Variants in TAF1B observed in about 807,000 individuals in gnomAD.
The protein encoded by TAF1B is TATA box-binding protein-associated factor RNA polymerase I subunit B.
TAF1B carries 61 observed loss-of-function variants against 83.9 expected under a neutral mutation model. The observed-to-expected ratio is 0.73, with a 90% confidence interval of 0.59 to 0.90. TAF1B has a LOEUF of 0.90. TAF1B is among the 40% of genes least tolerant of loss of function. TAF1B has a pLI of 0.00. For missense variants in TAF1B, 625 were observed against 677.0 expected, an observed-to-expected ratio of 0.92 and a Z score of 0.85; for synonymous variants, 221 against 224.6, an observed-to-expected ratio of 0.98 and a Z score of 0.14.
chr2:9,931,528 G>A (rs1262671023), intron 14 of TAF1B, among the ~76,000 whole-genome samples: 12 of 152,266 alleles, frequency 7.9e-5, no homozygotes, highest in African/African-American at 1.9e-4. Flanking sequence ...AGTTTCTGCC[G>A]AGAGATCAGC....
At chr2:9,848,900 G>A (rs114523968) in intron 2 of TAF1B, among the ~76,000 whole-genome samples, 1,563 of 152,148 alleles carry the variant, frequency 0.01, 14 homozygotes, top group Non-Finnish European at 0.018. Flanking sequence ...AATGTAATAC[G>A]TACTTTTATA....
At chr2:9,874,554 A>C (rs1322078917) in intron 6 of TAF1B, among the ~76,000 whole-genome samples, 1 of 151,722 alleles carries the variant, frequency 6.6e-6, no homozygotes, top group African/African-American at 2.4e-5. Context: ...TTACAGGTGC[A>C]CACCATGGCA....
intron 14 of TAF1B, among the ~76,000 whole-genome samples, chr2:9,932,423 G>T (rs1666242992): frequency 1.3e-5 from 2 of 152,192 alleles, no homozygotes; most frequent in Admixed American, 6.5e-5. Flanking sequence ...TAACAGTCAG[G>T]TCCCTCAGCT....
intron 6 of TAF1B, among the ~76,000 whole-genome samples, chr2:9,870,946 TAA>T: frequency 6.6e-6 from 1 of 152,282 alleles, no homozygotes; most frequent in South Asian, 2.1e-4. Context: ...CCAGTTCTTA[TAA>T]TCTCTTAATA....
chr2:9,893,518 A>G (rs1356968003), intron 8 of TAF1B, among the ~76,000 whole-genome samples: 6 of 152,216 alleles, frequency 3.9e-5, no homozygotes, highest in Non-Finnish European at 7.4e-5. Flanking sequence ...GAAACATTAT[A>G]TAGAGTGTGA....
At chr2:9,880,648 A>T (rs1044347142) in intron 7 of TAF1B, among the ~76,000 whole-genome samples, 4 of 151,822 alleles carry the variant, frequency 2.6e-5, no homozygotes, top group Non-Finnish European at 4.4e-5. Context: ...GTCTCTACTG[A>T]CTCATGTGCA....
At position 9,932,169 on chromosome 2, in the gene TAF1B, C is replaced by T. The variant is rs1302249396; in HGVS notation, c.1566-1614C>T. Among the ~76,000 whole-genome samples, 4 of 152,358 alleles carry T rather than the reference C, an allele frequency of 2.6e-5. No homozygotes were observed. The East Asian group carries it at 5.8e-4, about 22-fold the overall frequency. On this transcript the variant is annotated intron_variant, in intron 14 of 14. Transcript: ENST00000263663. ...CCGACCTTCTGAAGCCTACTTCTGT[C>T]AGCTCGTCAAAGTCATTCTCCATCC...
At chr2:9,913,116 T>G (rs1334233751) in intron 11 of TAF1B, 43 bp from the exon 12 acceptor site, 1 of 1,461,620 alleles carries the variant, frequency 6.8e-7, no homozygotes, top group Non-Finnish European at 9.4e-7. Context: ...ATTATTATAG[T>G]GTGGTTTATT....
At chr2:9,882,301 T>C (rs1053119187) in intron 7 of TAF1B, among the ~76,000 whole-genome samples, 2 of 152,112 alleles carry the variant, frequency 1.3e-5, no homozygotes, top group African/African-American at 4.8e-5. Context: ...GGTTTCACCA[T>C]ATTGGCCAGG....
At chr2:9,876,756 G>A (rs553390962) in intron 7 of TAF1B, among the ~76,000 whole-genome samples, 1 of 152,282 alleles carries the variant, frequency 6.6e-6, no homozygotes, top group South Asian at 2.1e-4. Context: ...CCTTGAGTAA[G>A]TCATTTAATT....
Position 9,868,262 on chromosome 2 carries a change from T to G in TAF1B, c.400-14T>G, listed in dbSNP as rs1316248578. The G allele has an allele frequency of 8.1e-6, 13 of 1,613,182 alleles. No homozygotes were observed. Among genetic ancestry groups the G allele is most frequent in the Non-Finnish European group, 1.1e-5 (13 of 1,179,616 alleles). On this transcript the variant is annotated splice_polypyrimidine_tract_variant and intron_variant, in intron 5 of 14. Transcript: ENST00000263663. ...TGTTACACAATAATTTTATTTATAT[T>G]GTTTTGCAAACAGGTATTAGAAGAT...
rs544835020 is a variant in TAF1B, at chr2:9,891,907, A to G, written c.807+9102A>G. Among the ~76,000 whole-genome samples, 149 of 152,354 alleles carry G rather than the reference A, an allele frequency of 9.8e-4. 1 individual carries two copies. Among genetic ancestry groups the G allele is most frequent in the African/African-American group, 3.4e-3 (142 of 41,582 alleles). On this transcript the variant is annotated intron_variant, in intron 8 of 14. Coordinates refer to ENST00000263663, the MANE Select transcript of TAF1B (RefSeq NM_005680.3). ...AAATTATTTTTAAGTTTATATAGAA[A>G]AGATGCAGTAAGCTAAGGTTAATTT... is the stretch of plus-strand genomic sequence containing the variant.
chr2:9,909,565 A>G (rs1428999030), intron 9 of TAF1B, among the ~76,000 whole-genome samples: 1 of 152,178 alleles, frequency 6.6e-6, no homozygotes, highest in Non-Finnish European at 1.5e-5. Context: ...AGCTTTAGTG[A>G]GTTCATGAGA....
At chr2:9,919,479 T>G (rs1665800139) in intron 13 of TAF1B, 119 bp from the exon 14 acceptor site, 6 of 811,006 alleles carry the variant, frequency 7.4e-6, no homozygotes, top group Non-Finnish European at 1.2e-5. Context: ...TACATTACTG[T>G]GGTACATCTG....
intron 1 of TAF1B, 175 bp downstream of exon 1, chr2:9,843,734 C>T (rs1663103002): frequency 1.6e-6 from 1 of 633,256 alleles, no homozygotes; most frequent in South Asian, 2.4e-5. Context: ...CGCATGCGCG[C>T]GCGGCTTTGG....
intron 3 of TAF1B, among the ~76,000 whole-genome samples, chr2:9,850,969 C>T (rs1325053640): frequency 1.3e-5 from 2 of 152,170 alleles, no homozygotes; most frequent in Admixed American, 6.5e-5. Flanking sequence ...TGCCATTGAG[C>T]AGTTTATTTT....
chr2:9,915,509 A>G (rs1256109575), intron 12 of TAF1B, among the ~76,000 whole-genome samples: 1 of 152,230 alleles, frequency 6.6e-6, no homozygotes, highest in Non-Finnish European at 1.5e-5. Flanking sequence ...ACCAAAGATG[A>G]TATCAAGATG....
chr2:9,903,286 C>T (rs552576946), intron 8 of TAF1B, among the ~76,000 whole-genome samples: 4 of 152,130 alleles, frequency 2.6e-5, no homozygotes, highest in South Asian at 2.1e-4. Flanking sequence ...GGGGTTTCAC[C>T]GTGTTAGCCA....
chr2:9,933,717 G>A, intron 14 of TAF1B, 66 bp from the exon 15 acceptor site: 1 of 1,316,872 alleles, frequency 7.6e-7, no homozygotes, highest in South Asian at 1.3e-5. Context: ...GGGATGTTCA[G>A]GGGTTAGTGT....
Sources: gnomAD v4.1 joint callset for allele counts (sites outside exome capture counted in the v4.1 genomes callset) on GRCh38, gnomAD v4.1.1 for gene constraint, MANE v1.5 for transcripts, NCBI Gene and HGNC (gene_info 2026-07-23, HGNC 2026-07-21) for gene names.